Variants in COLGALT1 observed in about 807,000 individuals in gnomAD.
The protein encoded by COLGALT1 is procollagen galactosyltransferase 1.
Under a neutral mutation model 60.8 loss-of-function variants are expected in COLGALT1, and 43 were observed. The ratio of observed to expected loss-of-function variants is 0.71; its 90% CI spans 0.55 to 0.91. The LOEUF is 0.91. Ranked by LOEUF, COLGALT1 falls within the 40% of genes least tolerant of loss-of-function variation. The pLI is 0.00. For missense variants in COLGALT1, 845 were observed against 880.0 expected, an observed-to-expected ratio of 0.96 and a Z score of 0.50; for synonymous variants, 369 against 374.2, an observed-to-expected ratio of 0.99 and a Z score of 0.16.
intron 6 of COLGALT1, among the ~76,000 whole-genome samples, chr19:17,574,029 C>G (rs949439261): frequency 1.3e-5 from 2 of 151,870 alleles, no homozygotes; most frequent in African/African-American, 4.9e-5. Flanking sequence ...ACTATGAAAC[C>G]AGCAGCCGTC....
Position 17,579,607 on chromosome 19 carries a change from C to T in COLGALT1, c.1392C>T (p.Leu464=). ...DVEREGLDWD[L]IYVGRKRMQV... is the part of the protein sequence containing the mutation. Reference sequence around the variant, plus strand: ...AGCGGGAGGGCCTGGACTGGGACCTCATGTGAGTGGGGGTCTGAGGATGGG... The same window carrying T: ...AGCGGGAGGGCCTGGACTGGGACCTTATGTGAGTGGGGGTCTGAGGATGGG... Residue 464 remains leucine, a splice_region_variant and synonymous_variant, in exon 10 of 12, where the codon CTC becomes CTT. Coordinates refer to ENST00000252599, the MANE Select transcript of COLGALT1 (RefSeq NM_024656.4). 5.5e-6 allele frequency: 8 copies of T among 1,447,202 alleles called. No individual in the cohort carries two copies. Among genetic ancestry groups the T allele is most frequent in the Non-Finnish European group, 7.4e-6 (8 of 1,079,482 alleles). 89.6% of individuals were successfully genotyped at this position (1,447,202 alleles called of 1,614,324 possible).
chr19:17,577,315 C>A (rs757102542), intron 7 of COLGALT1, 44 bp downstream of exon 7: 15 of 1,609,700 alleles, frequency 9.3e-6, no homozygotes, highest in East Asian at 8.9e-5. Context: ...GCTGGAGGGC[C>A]CTTGTTTGCA....
chr19:17,575,202 A>T (rs1235584961), intron 6 of COLGALT1, among the ~76,000 whole-genome samples: 3 of 151,656 alleles, frequency 2.0e-5, no homozygotes, highest in Non-Finnish European at 4.4e-5. Flanking sequence ...GGCGCTTGCC[A>T]CCACGCCTGG....
rs1318809520 is a variant in COLGALT1, at chr19:17,579,496, G to A, written c.1281G>A (p.Gly427=). The A allele has an allele frequency of 5.6e-6, 9 of 1,614,172 alleles. No individual in the cohort carries two copies. In the East Asian group the frequency reaches 1.6e-4, roughly 28 times the overall value. ...TCCTCCCTCAGGTGGTGGACCGGGG[G>A]CTGCAGAAATCGCTTGTGTTTGAGG... ...YNIWKEVVDR[G]LQKSLVFEDD... is the part of the protein sequence containing the mutation. Residue 427 remains glycine, a synonymous_variant, in exon 10 of 12, where the codon GGG becomes GGA. Transcript: ENST00000252599.
At chr19:17,577,812 G>A in intron 8 of COLGALT1, 145 bp from the exon 9 acceptor site, 1 of 1,096,978 alleles carries the variant, frequency 9.1e-7, no homozygotes, top group South Asian at 1.5e-5. Flanking sequence ...GCAGGTGAGT[G>A]AGGCCCCATG....
intron 3 of COLGALT1, among the ~76,000 whole-genome samples, chr19:17,562,661 C>CA (rs59873634): frequency 0.27 from 37,605 of 140,116 alleles, 4,937 homozygotes; most frequent in Admixed American, 0.4. Flanking sequence ...GACTATGTCT[C>CA]AAAAAAAAAA....
At chr19:17,559,138 C>T (rs1202931645) in intron 1 of COLGALT1, among the ~76,000 whole-genome samples, 173 bp from the exon 2 acceptor site, 1 of 151,862 alleles carries the variant, frequency 6.6e-6, no homozygotes, top group Non-Finnish European at 1.5e-5. Flanking sequence ...CCAGCCTGGG[C>T]AACAGAGCGA....
At chr19:17,572,645 T>C (rs1271053649) in intron 6 of COLGALT1, 43 bp downstream of exon 6, 1 of 1,610,106 alleles carries the variant, frequency 6.2e-7, no homozygotes, top group Non-Finnish European at 8.5e-7. Flanking sequence ...CCAGGTTGCC[T>C]CCCTTTCACT....
At chr19:17,565,097 T>A (rs936510076) in intron 3 of COLGALT1, among the ~76,000 whole-genome samples, 4 of 152,168 alleles carry the variant, frequency 2.6e-5, no homozygotes, top group Non-Finnish European at 4.4e-5. Context: ...TGGACCACGT[T>A]ATGTTGATCT....
rs748178640 is a variant in COLGALT1 at position 17,579,493 on chromosome 19, G to A, written c.1278G>A (p.Arg426=). The A allele has an allele frequency of 6.2e-7, 1 of 1,614,136 alleles. No individual in the cohort carries two copies. Among genetic ancestry groups the A allele is most frequent in the Non-Finnish European group, 8.5e-7 (1 of 1,180,006 alleles). ...GCTTCCTCCCTCAGGTGGTGGACCGGGGGCTGCAGAAATCGCTTGTGTTTG... is the reference window on the plus strand; with the variant it reads ...GCTTCCTCCCTCAGGTGGTGGACCGAGGGCTGCAGAAATCGCTTGTGTTTG... The part of the protein sequence containing the change: ...HYNIWKEVVD[R]GLQKSLVFED... The change falls in exon 10 of 12, where the codon CGG becomes CGA. Residue 426 remains arginine, a synonymous_variant. Coordinates refer to ENST00000252599, the MANE Select transcript of COLGALT1 (RefSeq NM_024656.4).
intron 9 of COLGALT1, among the ~76,000 whole-genome samples, 189 bp from the exon 10 acceptor site, chr19:17,579,293 C>T (rs530402038): frequency 6.6e-6 from 1 of 151,426 alleles, no homozygotes; most frequent in Admixed American, 6.6e-5. Context: ...AGGCCTTTCT[C>T]TTCTGAGATC....
chr19:17,577,003 T>TGAGAGGCGGGAC, intron 6 of COLGALT1, 192 bp from the exon 7 acceptor site: 1 of 587,596 alleles, frequency 1.7e-6, no homozygotes. Flanking sequence ...TGGCCAGGGC[T>TGAGAGGCGGGAC]TTGGGCTGCT....
chr19:17,567,147 A>G (rs1435861723), intron 3 of COLGALT1, among the ~76,000 whole-genome samples: 1 of 151,968 alleles, frequency 6.6e-6, no homozygotes, highest in South Asian at 2.1e-4. Flanking sequence ...CTTCTTGCTC[A>G]TTGGTTGTTC....
chr19:17,568,832 G>A, intron 5 of COLGALT1, 119 bp downstream of exon 5: 2 of 940,410 alleles, frequency 2.1e-6, no homozygotes, highest in Non-Finnish European at 3.3e-6. Flanking sequence ...GCGCAGGGCT[G>A]ACTTCAGGTG....
chr19:17,581,124 G>A (rs897229097), intron 11 of COLGALT1, 53 bp from the exon 12 acceptor site: 1 of 1,580,456 alleles, frequency 6.3e-7, no homozygotes, highest in Admixed American at 1.8e-5. Flanking sequence ...TCCTCCAGCT[G>A]TCCCGTCCCC....
intron 3 of COLGALT1, chr19:17,565,973 A>C (rs2076277545): frequency 6.6e-6 from 1 of 152,162 alleles, no homozygotes; most frequent in Non-Finnish European, 1.5e-5. Context: ...GGGATACTGG[A>C]ATTCTAGTTT....
intron 6 of COLGALT1, among the ~76,000 whole-genome samples, chr19:17,574,476 A>G (rs1599790858): frequency 6.6e-6 from 1 of 151,822 alleles, no homozygotes; most frequent in African/African-American, 2.4e-5. Context: ...GATTACAGGT[A>G]CCTGCCACCA....
chr19:17,555,942 C>G lies in COLGALT1; in HGVS notation c.229C>G (p.Leu77Val). ...CACCACGCTGGGCGCACTCGAGCGG[C>G]TGCGGCACCCGCGGGAGCGCACGGC... is the stretch of plus-strand genomic sequence containing the variant. ...LPTTLGALERLRHPRERTALW... is the reference protein window; with the variant it reads ...LPTTLGALERVRHPRERTALW... The change falls in exon 1 of 12, where the codon CTG becomes GTG. Residue 77 changes from leucine to valine, a missense_variant. By Grantham distance (32) the Leu-to-Val change is conservative. Coordinates refer to ENST00000252599, the MANE Select transcript of COLGALT1 (RefSeq NM_024656.4). 1 of 1,389,216 alleles carries G rather than the reference C, an allele frequency of 7.2e-7. No individual in the cohort carries two copies. The highest frequency in any genetic ancestry group is 9.3e-7 in the Non-Finnish European group (1 of 1,071,228). The allele number at this position is 1,389,216 out of a possible 1,614,324, so 86.1% of individuals were successfully genotyped here.
Position 17,567,418 on chromosome 19 carries a change from GA to G in COLGALT1, c.503del (p.Asp168AlafsTer3). The G allele has an allele frequency of 6.2e-7, 1 of 1,613,752 alleles. No individual in the cohort carries two copies. The highest frequency in any genetic ancestry group is 8.5e-7 in the Non-Finnish European group (1 of 1,179,806). On this transcript the variant is annotated frameshift_variant, in exon 4 of 12. Transcript: ENST00000252599. LOFTEE classifies it high-confidence loss of function. ...WADYILFVDA[D>X]NLILNPDTLS... ...GGGTGTTCTGCAGTTTGTAGATGCG[GA>G]CAACCTGATCCTCAACCCTGACACA...
Sources: allele counts gnomAD v4.1 joint callset (sites outside exome capture counted in the v4.1 genomes callset), GRCh38; gene constraint gnomAD v4.1.1; transcripts MANE v1.5; gene names NCBI Gene and HGNC (gene_info 2026-07-23, HGNC 2026-07-21).